The following SOX5 variants were observed in gnomAD, a reference collection of about 807,000 sequenced individuals.
SOX5 encodes SRY-box transcription factor 5.
A neutral mutation model predicts 92.0 loss-of-function variants in SOX5; 9 were observed. The observed-to-expected ratio is 0.10, with a 90% CI of 0.06 to 0.17. SOX5 has a LOEUF of 0.17. Ranked by LOEUF, SOX5 falls within the 10% of genes least tolerant of loss-of-function variation. The pLI is 1.00. For synonymous variants in SOX5, 344 were observed against 336.3 expected (o/e 1.02, Z -0.25); for missense variants, 642 against 944.5 (o/e 0.68, Z 4.20).
intron 9 of SOX5, among the ~76,000 whole-genome samples, chr12:23,576,055 G>A (rs975572197): frequency 6.6e-6 from 1 of 152,136 alleles, no homozygotes; most frequent in Non-Finnish European, 1.5e-5. Context: ...GAAAGTACAT[G>A]TGTACTCAAC....
chr12:23,697,478 T>A (rs983284300), intron 6 of SOX5, among the ~76,000 whole-genome samples: 21 of 152,216 alleles, frequency 1.4e-4, no homozygotes, highest in Non-Finnish European at 2.8e-4. Flanking sequence ...CAGGTGTGTC[T>A]TCCTTCTTTT....
At chr12:24,009,167 G>T (rs1023753457) in intron 4 of SOX5, among the ~76,000 whole-genome samples, 2 of 152,164 alleles carry the variant, frequency 1.3e-5, no homozygotes, top group African/African-American at 4.8e-5. Context: ...TTTCAGCCCT[G>T]CTGTGATCTG....
At chr12:24,410,002 CTTT>C (rs34124767) in intron 1 of SOX5, among the ~76,000 whole-genome samples, 6 of 146,520 alleles carry the variant, frequency 4.1e-5, no homozygotes, top group East Asian at 4.0e-4. Context: ...CACATAGCAA[CTTT>C]TTTTTTTTTT....
intron 6 of SOX5, among the ~76,000 whole-genome samples, chr12:23,732,975 T>G (rs1271649957): frequency 6.6e-6 from 1 of 152,174 alleles, no homozygotes; most frequent in Non-Finnish European, 1.5e-5. Context: ...ATCCATCCAT[T>G]TCAACTTTTT....
intron 3 of SOX5, among the ~76,000 whole-genome samples, chr12:23,802,652 C>T (rs540626232): frequency 8.0e-4 from 121 of 152,076 alleles, no homozygotes; most frequent in Non-Finnish European, 1.6e-3. Context: ...CTTTATATCT[C>T]CCCAGATATG....
chr12:24,523,913 C>T (rs1367281534), intron 1 of SOX5, among the ~76,000 whole-genome samples: 1 of 152,180 alleles, frequency 6.6e-6, no homozygotes, highest in Non-Finnish European at 1.5e-5. Context: ...CAAATAGCTT[C>T]CGTGCAGCAT....
chr12:23,842,703 A>C (rs1014603800), intron 3 of SOX5, among the ~76,000 whole-genome samples: 1 of 152,240 alleles, frequency 6.6e-6, no homozygotes, highest in African/African-American at 2.4e-5. Flanking sequence ...CAATAGTGGT[A>C]TTAAATGACA....
At chr12:23,898,645 A>T (rs536785709) in intron 1 of SOX5, among the ~76,000 whole-genome samples, 1 of 152,352 alleles carries the variant, frequency 6.6e-6, no homozygotes, top group East Asian at 1.9e-4. Flanking sequence ...TTAACTTTCT[A>T]TTTAACTGAG....
intron 4 of SOX5, among the ~76,000 whole-genome samples, chr12:24,105,024 C>A (rs1045572864): frequency 1.1e-4 from 16 of 152,178 alleles, no homozygotes; most frequent in Non-Finnish European, 1.8e-4. Context: ...GAAAAAGAGA[C>A]ACAGTATATC....
chr12:24,441,820 C>T (rs1290959412), intron 1 of SOX5, among the ~76,000 whole-genome samples: 1 of 152,006 alleles, frequency 6.6e-6, no homozygotes, highest in African/African-American at 2.4e-5. Context: ...GATACTAACC[C>T]AGTCTGTTGG....
intron 4 of SOX5, among the ~76,000 whole-genome samples, chr12:24,133,229 G>T (rs952238048): frequency 2.0e-5 from 3 of 152,168 alleles, no homozygotes; most frequent in South Asian, 4.1e-4. Context: ...CTCTGTACAT[G>T]TCACTCCCTG....
rs537216494 is a variant in SOX5, at chr12:24,200,025, GA to G, written c.-2+13317del. ...TTAGTTTTAAAGTGTAAAACTGGGGGAAAAATATCAAGGATTGAATGAACCC... is the reference window on the plus strand; with the variant it reads ...TTAGTTTTAAAGTGTAAAACTGGGGGAAAATATCAAGGATTGAATGAACCC... On this transcript the variant is annotated intron_variant, in intron 4 of 4. Transcript: ENST00000446891. Among the ~76,000 whole-genome samples the G allele has an allele frequency of 3.9e-4, 60 of 152,104 alleles. 2 individuals are homozygous for G. In the South Asian group the frequency reaches 0.012, roughly 31 times the overall value.
chr12:24,551,621 C>T (rs1047130546), intron 1 of SOX5, among the ~76,000 whole-genome samples: 2 of 152,170 alleles, frequency 1.3e-5, no homozygotes, highest in Admixed American at 6.5e-5. Flanking sequence ...AGGTCCCTAT[C>T]CTCATGCGGT....
rs1258520872 is a variant in SOX5 at position 24,289,520 on chromosome 12, C to G, written c.-173-12208G>C. 7.8e-5 allele frequency among the ~76,000 whole-genome samples: 9 copies of G among 115,294 alleles called. 1 individual carries two copies. The highest frequency in any genetic ancestry group is 4.0e-4 in the Admixed American group (5 of 12,450). 75.6% of individuals were successfully genotyped at this position (115,294 alleles called of 152,430 possible). A position where few individuals can be genotyped will look rare whatever the true frequency, so the allele number is the denominator to read the frequency against. ...CCAGGCTGGAGTGCAGTGGCGGGAT[C>G]TCGGCTCACTGCAAGCTCCGCCTCC... On this transcript the variant is annotated intron_variant, in intron 2 of 4. Transcript: ENST00000446891.
Position 23,531,954 on chromosome 12 carries a change from T to C in SOX5, c.*2265A>G, listed in dbSNP as rs2135811799. 6.6e-6 allele frequency: 1 copy of C among 150,662 alleles called. No homozygotes were observed. The highest frequency in any genetic ancestry group is 2.1e-4 in the South Asian group (1 of 4,792). The allele number at this position is 150,662 out of a possible 1,614,324, so 9.3% of individuals were successfully genotyped here. A position where few individuals can be genotyped will look rare whatever the true frequency, so the allele number is the denominator to read the frequency against. ...ATGTATATATATATATACATATACA[T>C]ACATATATGAGTTGGAGATGGAAAT... On this transcript the variant is annotated 3_prime_UTR_variant, in exon 15 of 15. Transcript: ENST00000451604.
At chr12:23,863,793 T>TACACACACACACACAC (rs71059936) in intron 2 of SOX5, among the ~76,000 whole-genome samples, 1 of 145,704 alleles carries the variant, frequency 6.9e-6, no homozygotes, top group African/African-American at 2.6e-5. Flanking sequence ...TTAAACACAC[T>TACACACACACACACAC]ACACACACAC....
intron 8 of SOX5, among the ~76,000 whole-genome samples, chr12:23,632,718 A>G (rs2078704946): frequency 6.6e-6 from 1 of 152,108 alleles, no homozygotes; most frequent in Non-Finnish European, 1.5e-5. Flanking sequence ...AGCCATTTCC[A>G]ATATTACTTC....
At chr12:24,346,889 G>C (rs1168745668) in intron 2 of SOX5, among the ~76,000 whole-genome samples, 1 of 151,948 alleles carries the variant, frequency 6.6e-6, no homozygotes, top group Admixed American at 6.5e-5. Context: ...GGGGTGGGGG[G>C]ATGGGGGAGG....
At chr12:24,149,615 TA>T (rs1400379974) in intron 4 of SOX5, among the ~76,000 whole-genome samples, 1 of 152,168 alleles carries the variant, frequency 6.6e-6, no homozygotes, top group African/African-American at 2.4e-5. Flanking sequence ...GGCAGTTTCA[TA>T]AAAAGTTATA....
Sources: gnomAD v4.1 joint callset for allele counts (sites outside exome capture counted in the v4.1 genomes callset) on GRCh38, gnomAD v4.1.1 for gene constraint, MANE v1.5 for transcripts, NCBI Gene and HGNC (gene_info 2026-07-23, HGNC 2026-07-21) for gene names.